LMX1A: variants seen among roughly 807,000 people sequenced by gnomAD.
LMX1A encodes the protein LIM homeobox transcription factor 1 alpha, also known as LIM homeobox transcription factor 1-alpha.
Under a neutral mutation model 49.1 loss-of-function variants are expected in LMX1A, and 15 were observed. The ratio of observed to expected loss-of-function variants is 0.31; its 90% CI spans 0.20 to 0.47. The LOEUF is 0.47. LMX1A is among the 20% of genes least tolerant of loss of function. The pLI is 1.00. For missense variants in LMX1A, 372 were observed against 475.8 expected, an observed-to-expected ratio of 0.78 and a Z score of 2.03; for synonymous variants, 167 against 185.7, an observed-to-expected ratio of 0.90 and a Z score of 0.82.
chr1:165,273,970 C>T (rs1421805680), intron 3 of LMX1A, among the ~76,000 whole-genome samples: 1 of 152,196 alleles, frequency 6.6e-6, no homozygotes, highest in Admixed American at 6.5e-5. Flanking sequence ...CAAGACGTTC[C>T]TCAAGCTGCT....
At chr1:165,335,970 C>A (rs866638789) in intron 3 of LMX1A, among the ~76,000 whole-genome samples, 1 of 151,866 alleles carries the variant, frequency 6.6e-6, no homozygotes, top group Non-Finnish European at 1.5e-5. Context: ...AAATTGCCCA[C>A]GTGAGCCTAC....
chr1:165,227,972 A>G (rs974946485), intron 4 of LMX1A, among the ~76,000 whole-genome samples: 1 of 152,246 alleles, frequency 6.6e-6, no homozygotes, highest in Non-Finnish European at 1.5e-5. Flanking sequence ...TACTTACTCC[A>G]CATAATGTTG....
chr1:165,335,535 G>A (rs544209045), intron 3 of LMX1A, among the ~76,000 whole-genome samples: 16 of 152,098 alleles, frequency 1.1e-4, no homozygotes, highest in Admixed American at 4.6e-4. Flanking sequence ...CACTTCTTTC[G>A]CATTATTTCC....
At chr1:165,297,610 G>A (rs981664971) in intron 3 of LMX1A, among the ~76,000 whole-genome samples, 2 of 152,202 alleles carry the variant, frequency 1.3e-5, no homozygotes, top group Admixed American at 6.5e-5. Context: ...GGATGGGCTA[G>A]TGGCTAGAGT....
At chr1:165,232,984 G>A (rs1652287374) in intron 4 of LMX1A, among the ~76,000 whole-genome samples, 1 of 152,172 alleles carries the variant, frequency 6.6e-6, no homozygotes, top group Non-Finnish European at 1.5e-5. Flanking sequence ...GAACGGACCA[G>A]CAGAAGTCCC....
chr1:165,226,206 T>C (rs1332684657), intron 4 of LMX1A, among the ~76,000 whole-genome samples: 1 of 152,162 alleles, frequency 6.6e-6, no homozygotes, highest in Non-Finnish European at 1.5e-5. Context: ...TGATGGCTGT[T>C]AAGCACCAAA....
rs535031891 is a variant in LMX1A, at chr1:165,233,257, C to A, written c.496+16151G>T. ...ATTCCTTGAGCCTACGCATTCAAGA[C>A]CAGCCTGGGAAACACAGGGAGACCC... On this transcript the variant is annotated intron_variant, in intron 4 of 8. Transcript: ENST00000342310. 4.6e-5 allele frequency among the ~76,000 whole-genome samples: 7 copies of A among 152,230 alleles called. No individual in the cohort carries two copies. In the South Asian group the frequency reaches 1.5e-3, roughly 32 times the overall value.
At chr1:165,282,468 A>C (rs1012257987) in intron 3 of LMX1A, among the ~76,000 whole-genome samples, 8 of 152,172 alleles carry the variant, frequency 5.3e-5, no homozygotes, top group Non-Finnish European at 1.2e-4. Flanking sequence ...TCATTGTTAT[A>C]CTACATTGTT....
chr1:165,230,418 T>G lies in LMX1A; in HGVS notation c.497-16605A>C, dbSNP rs550914018. Among the ~76,000 whole-genome samples, 105 of 152,312 alleles carry G rather than the reference T, an allele frequency of 6.9e-4. 1 individual carries two copies. The South Asian group carries it at 0.021, about 31-fold the overall frequency. ...CAATGCCCAAGGAAACCCCCCCAGTTTGCTATCTAGATAGTAATCTGTGTC... is the reference window on the plus strand; with the variant it reads ...CAATGCCCAAGGAAACCCCCCCAGTGTGCTATCTAGATAGTAATCTGTGTC... On this transcript the variant is annotated intron_variant, in intron 4 of 8. Transcript: ENST00000342310.
chr1:165,336,189 T>C (rs978273428), intron 3 of LMX1A, among the ~76,000 whole-genome samples: 4 of 151,926 alleles, frequency 2.6e-5, no homozygotes, highest in Non-Finnish European at 5.9e-5. Context: ...ATATCCCTAT[T>C]GTCAGGGGTG....
intron 3 of LMX1A, among the ~76,000 whole-genome samples, chr1:165,300,865 G>C (rs1654755001): frequency 6.6e-6 from 1 of 152,102 alleles, no homozygotes; most frequent in Non-Finnish European, 1.5e-5. Context: ...GGATGTCTGT[G>C]AACCCAGGTA....
chr1:165,268,908 A>G (rs1340683223), intron 3 of LMX1A, among the ~76,000 whole-genome samples: 1 of 152,272 alleles, frequency 6.6e-6, no homozygotes, highest in African/African-American at 2.4e-5. Context: ...CAACATAAAA[A>G]TCCTCAAAAG....
In LMX1A at chr1:165,202,157, G is replaced by A. The variant is rs138006925; in HGVS notation, c.*1723C>T. On this transcript the variant is annotated 3_prime_UTR_variant, in exon 9 of 9. Coordinates refer to ENST00000342310, the MANE Select transcript of LMX1A (RefSeq NM_177398.4). The stretch of plus-strand genomic sequence containing the variant: ...CAGAGTGATAGGGACGTGTCTCTGT[G>A]TTCAAGTCTCCAATGATGTCCCCAG... 10 of 152,664 alleles carry A rather than the reference G, an allele frequency of 6.6e-5. No homozygotes were observed. The highest frequency in any genetic ancestry group is 2.4e-4 in the African/African-American group (10 of 41,554). The allele number at this position is 152,664 out of a possible 1,614,324, so 9.5% of individuals were successfully genotyped here.
intron 3 of LMX1A, among the ~76,000 whole-genome samples, chr1:165,272,146 A>G (rs1419261064): frequency 6.6e-6 from 1 of 152,042 alleles, no homozygotes; most frequent in Non-Finnish European, 1.5e-5. Flanking sequence ...ATCTAGGACC[A>G]CACTGCCCAC....
At position 165,257,034 on chromosome 1, in the gene LMX1A, CAT is replaced by C. The variant is rs1318706834; in HGVS notation, c.264-7396_264-7395del. Among the ~76,000 whole-genome samples, 66 of 152,102 alleles carry C rather than the reference CAT, an allele frequency of 4.3e-4. 1 individual carries two copies. Among genetic ancestry groups the C allele is most frequent in the Non-Finnish European group, 5.9e-5 (4 of 67,988 alleles). ...TAGAACATATTTCAGCTCCAAAAAT[CAT>C]ATTTCTGCAAAGGAAGGGGGCTTGT... On this transcript the variant is annotated intron_variant, in intron 3 of 8. Coordinates refer to ENST00000342310, the MANE Select transcript of LMX1A (RefSeq NM_177398.4).
intron 4 of LMX1A, among the ~76,000 whole-genome samples, chr1:165,223,035 G>GA (rs1480977256): frequency 6.6e-6 from 1 of 151,918 alleles, no homozygotes; most frequent in Non-Finnish European, 1.5e-5. Flanking sequence ...GGTGGGGTGG[G>GA]GGAGTGATAA....
intron 3 of LMX1A, among the ~76,000 whole-genome samples, chr1:165,269,270 C>T (rs796489191): frequency 3.9e-5 from 6 of 152,322 alleles, no homozygotes; most frequent in African/African-American, 1.2e-4. Flanking sequence ...GGTTTGTTTG[C>T]GCAGAGCCTG....
At chr1:165,289,041 T>C (rs547778190) in intron 3 of LMX1A, among the ~76,000 whole-genome samples, 6 of 152,020 alleles carry the variant, frequency 3.9e-5, no homozygotes, top group African/African-American at 1.4e-4. Flanking sequence ...CTGCTGGGGG[T>C]GTCTTACAAA....
chr1:165,233,399 G>C (rs1300114864), intron 4 of LMX1A, among the ~76,000 whole-genome samples: 1 of 152,228 alleles, frequency 6.6e-6, no homozygotes, highest in East Asian at 1.9e-4. Context: ...AGACTGCAGA[G>C]AGAAGTGATT....
Sources: gnomAD v4.1 joint callset for allele counts (sites outside exome capture counted in the v4.1 genomes callset) on GRCh38, gnomAD v4.1.1 for gene constraint, MANE v1.5 for transcripts, NCBI Gene and HGNC (gene_info 2026-07-23, HGNC 2026-07-21) for gene names.